DOCK1: variants seen among roughly 807,000 people sequenced by gnomAD.
DOCK1 encodes dedicator of cytokinesis protein 1.
Under a neutral mutation model 262.7 loss-of-function variants are expected in DOCK1, and 138 were observed. The observed-to-expected ratio is 0.53, with a 90% CI of 0.46 to 0.61. The LOEUF (loss-of-function observed/expected upper bound fraction) is 0.61, where lower values mean the gene tolerates loss of function less well. Among genes scored for constraint, DOCK1 ranks in the 20% least tolerant of loss-of-function variants. The pLI, the probability that DOCK1 is intolerant of heterozygous loss-of-function variation, is 0.00. For missense variants in DOCK1, 1,908 were observed against 2,370.7 expected (o/e 0.80, Z 4.05); for synonymous variants, 866 against 867.4 (o/e 1.00, Z 0.03).
intron 29 of DOCK1, among the ~76,000 whole-genome samples, chr10:127,263,578 C>A (rs2060254837): frequency 6.6e-6 from 1 of 152,288 alleles, no homozygotes; most frequent in East Asian, 1.9e-4. Flanking sequence ...TTTGTGCTAG[C>A]ACCCAGAAGT....
intron 27 of DOCK1, 123 bp from the exon 28 acceptor site, chr10:127,247,885 C>A: frequency 2.4e-6 from 2 of 850,116 alleles, no homozygotes; most frequent in Non-Finnish European, 3.7e-6. Context: ...GAACCCAGGG[C>A]TCCCTGCCCA....
intron 38 of DOCK1, among the ~76,000 whole-genome samples, chr10:127,398,009 T>TTC (rs2067015558): frequency 6.6e-6 from 1 of 152,086 alleles, no homozygotes; most frequent in Non-Finnish European, 1.5e-5. Flanking sequence ...GAGGTTCCCG[T>TTC]GTGATGGGGC....
At position 127,175,540 on chromosome 10, in the gene DOCK1, C is replaced by T; in HGVS notation, c.2847+47776C>T. ...AGATGTGTGGCTCTCCTCCGCTCGTCATCTGCCGGGCAGAGTGACCACTGG... is the reference window on the plus strand; with the variant it reads ...AGATGTGTGGCTCTCCTCCGCTCGTTATCTGCCGGGCAGAGTGACCACTGG... On this transcript the variant is annotated intron_variant, in intron 27 of 51. Coordinates refer to ENST00000623213, the MANE Select transcript of DOCK1 (RefSeq NM_001290223.2). This position sits in a 1 kb window ranked among gnomAD's most constrained non-coding sequence, Gnocchi z 6.3. 2 of 1,610,940 alleles carry T rather than the reference C, an allele frequency of 1.2e-6. No homozygotes were observed. Among genetic ancestry groups the T allele is most frequent in the South Asian group, 2.2e-5 (2 of 91,068 alleles).
At chr10:127,118,666 T>C (rs994397478) in intron 25 of DOCK1, among the ~76,000 whole-genome samples, 1 of 152,222 alleles carries the variant, frequency 6.6e-6, no homozygotes, top group Non-Finnish European at 1.5e-5. Flanking sequence ...TCAAATTCCA[T>C]GATACTGAAT....
intron 24 of DOCK1, among the ~76,000 whole-genome samples, chr10:127,107,240 G>A (rs373896160): frequency 1.3e-5 from 2 of 151,970 alleles, no homozygotes; most frequent in African/African-American, 4.8e-5. Context: ...ATTTTTTACC[G>A]GCCAATGAAG....
intron 50 of DOCK1, among the ~76,000 whole-genome samples, chr10:127,445,706 T>C (rs1373174082): frequency 6.6e-6 from 1 of 152,190 alleles, no homozygotes; most frequent in Non-Finnish European, 1.5e-5. Context: ...AGATACTTAA[T>C]ATTCATAGCA....
At chr10:127,210,891 G>C (rs1027198782) in intron 27 of DOCK1, among the ~76,000 whole-genome samples, 1 of 152,210 alleles carries the variant, frequency 6.6e-6, no homozygotes, top group African/African-American at 2.4e-5. Flanking sequence ...AATGTGACAC[G>C]TGGCGTAATG....
At chr10:126,915,295 C>G (rs929906341) in intron 1 of DOCK1, among the ~76,000 whole-genome samples, 1 of 152,138 alleles carries the variant, frequency 6.6e-6, no homozygotes, top group Non-Finnish European at 1.5e-5. Flanking sequence ...GGAAGTGATG[C>G]CAAGGACAGA....
chr10:127,245,493 A>G (rs74158640), intron 27 of DOCK1, among the ~76,000 whole-genome samples: 3,238 of 152,262 alleles, frequency 0.021, 124 homozygotes, highest in African/African-American at 0.073. Context: ...CTTCTCTGAT[A>G]TGCTCTTCCA....
chr10:127,147,188 A>C (rs991690642), intron 27 of DOCK1, among the ~76,000 whole-genome samples: 6 of 152,090 alleles, frequency 3.9e-5, no homozygotes, highest in African/African-American at 1.4e-4. Flanking sequence ...GGAGCTTCCT[A>C]CTTGAGAAGC....
At chr10:127,302,951 G>A (rs979493938) in intron 29 of DOCK1, among the ~76,000 whole-genome samples, 1 of 152,100 alleles carries the variant, frequency 6.6e-6, no homozygotes, top group African/African-American at 2.4e-5. Flanking sequence ...AAACACCTGT[G>A]TGACATTAAA....
At chr10:127,103,079 A>G (rs1025475233) in intron 23 of DOCK1, among the ~76,000 whole-genome samples, 4 of 152,116 alleles carry the variant, frequency 2.6e-5, no homozygotes, top group African/African-American at 9.6e-5. Context: ...GTCTTGTTTT[A>G]TTTATCACTG....
intron 1 of DOCK1, among the ~76,000 whole-genome samples, chr10:126,956,184 C>T (rs963769081): frequency 2.0e-5 from 3 of 152,230 alleles, no homozygotes; most frequent in African/African-American, 2.4e-5. Flanking sequence ...ATGTCTGGGC[C>T]GCCTGTGCCT....
At chr10:127,246,126 T>G (rs1319420270) in intron 27 of DOCK1, among the ~76,000 whole-genome samples, 1 of 152,182 alleles carries the variant, frequency 6.6e-6, no homozygotes, top group Non-Finnish European at 1.5e-5. Context: ...CTCTACCTTG[T>G]GTTGGTCATC....
intron 11 of DOCK1, among the ~76,000 whole-genome samples, chr10:127,010,584 A>G (rs1205084520): frequency 1.3e-5 from 2 of 152,214 alleles, no homozygotes; most frequent in Admixed American, 1.3e-4. Flanking sequence ...GGCAGCACAT[A>G]CATAGCACAT....
intron 13 of DOCK1, among the ~76,000 whole-genome samples, chr10:127,021,131 T>C (rs1226032846): frequency 6.6e-6 from 1 of 152,182 alleles, no homozygotes; most frequent in South Asian, 2.1e-4. Context: ...AATGAGGTCT[T>C]ACTTCTGTGC....
intron 29 of DOCK1, among the ~76,000 whole-genome samples, chr10:127,297,884 C>G (rs1428825128): frequency 1.3e-5 from 2 of 152,056 alleles, no homozygotes; most frequent in Admixed American, 1.3e-4. Flanking sequence ...CCCGATTTCA[C>G]CACCCATTAC....
chr10:127,407,324 C>T (rs958937334), intron 40 of DOCK1, among the ~76,000 whole-genome samples: 10 of 152,098 alleles, frequency 6.6e-5, no homozygotes, highest in African/African-American at 1.9e-4. Flanking sequence ...CTGGGGAGGG[C>T]CATTCCTCAT....
intron 29 of DOCK1, among the ~76,000 whole-genome samples, chr10:127,281,412 C>T (rs2060958712): frequency 6.6e-6 from 1 of 152,194 alleles, no homozygotes. Context: ...CAAACACTGC[C>T]TTTGCCAGGA....
Sources: gnomAD v4.1 joint callset for allele counts (sites outside exome capture counted in the v4.1 genomes callset) on GRCh38, gnomAD v4.1.1 for gene constraint, Gnocchi (gnomAD v3.1) non-coding constraint, MANE v1.5 for transcripts, NCBI Gene and HGNC (gene_info 2026-07-23, HGNC 2026-07-21) for gene names.